NOL4: variants seen among roughly 807,000 people sequenced by gnomAD.
The protein encoded by NOL4 is cancer/testis antigen 125.
Under a neutral mutation model 75.9 loss-of-function variants are expected in NOL4, and 17 were observed. The ratio of observed to expected loss-of-function variants is 0.22; its 90% CI spans 0.15 to 0.34. The LOEUF is 0.34. NOL4 is among the 10% of genes least tolerant of loss of function. The probability of loss-of-function intolerance (pLI) is 1.00; values close to 1 mark genes in which losing one functional copy is unlikely to be tolerated. For synonymous variants in NOL4, 292 were observed against 289.9 expected, an observed-to-expected ratio of 1.01 and a Z score of -0.07; for missense variants, 614 against 793.5, an observed-to-expected ratio of 0.77 and a Z score of 2.72.
chr18:33,903,789 G>A (rs570322240), intron 9 of NOL4, among the ~76,000 whole-genome samples: 22 of 152,080 alleles, frequency 1.4e-4, no homozygotes, highest in Non-Finnish European at 2.4e-4. Flanking sequence ...AATACTTTAT[G>A]TCTTGTTTCT....
At position 34,091,870 on chromosome 18, in the gene NOL4, T is replaced by C. The variant is rs138221250; in HGVS notation, c.772+1595A>G. On this transcript the variant is annotated intron_variant, in intron 5 of 10. Coordinates refer to ENST00000261592, the MANE Select transcript of NOL4 (RefSeq NM_003787.5). The stretch of plus-strand genomic sequence containing the variant: ...TCATCAATATATCATGAGAAAGTGC[T>C]TTTCCCTAAGAGTATATAATATTTG... 1.6e-4 allele frequency among the ~76,000 whole-genome samples: 25 copies of C among 152,254 alleles called. 1 individual carries two copies. The East Asian group carries it at 4.4e-3, about 27-fold the overall frequency.
intron 5 of NOL4, among the ~76,000 whole-genome samples, chr18:34,041,875 G>C (rs776567218): frequency 4.6e-5 from 7 of 151,694 alleles, no homozygotes; most frequent in Non-Finnish European, 1.0e-4. Flanking sequence ...ATTATACAGG[G>C]CTACAGTTTA....
At chr18:33,882,754 C>T (rs1458884297) in intron 10 of NOL4, among the ~76,000 whole-genome samples, 5 of 152,040 alleles carry the variant, frequency 3.3e-5, no homozygotes, top group East Asian at 1.9e-4. Flanking sequence ...GACACATGCA[C>T]ACGTATGTTT....
intron 10 of NOL4, among the ~76,000 whole-genome samples, chr18:33,880,094 A>T (rs1215706558): frequency 6.6e-6 from 1 of 152,088 alleles, no homozygotes; most frequent in Non-Finnish European, 1.5e-5. Flanking sequence ...GAGGTTGAAC[A>T]ACTTTATAAA....
chr18:33,896,828 C>G (rs1194510674), intron 9 of NOL4, among the ~76,000 whole-genome samples: 3 of 152,086 alleles, frequency 2.0e-5, no homozygotes, highest in African/African-American at 7.2e-5. Flanking sequence ...ACAGAGTAAA[C>G]AGACAACCTA....
chr18:33,899,511 G>A (rs1192024702), intron 9 of NOL4, among the ~76,000 whole-genome samples: 2 of 152,274 alleles, frequency 1.3e-5, no homozygotes, highest in Admixed American at 6.5e-5. Flanking sequence ...TGGCCAGCTG[G>A]CCCCAGCTAA....
chr18:34,169,965 A>G (rs2146256182), intron 1 of NOL4, among the ~76,000 whole-genome samples: 1 of 152,280 alleles, frequency 6.6e-6, no homozygotes, highest in South Asian at 2.1e-4. Context: ...GACTTTGTAT[A>G]TGCTGTTCTG....
rs1941343 is a variant in NOL4 at position 34,014,051 on chromosome 18, C to T, written c.1056+5267G>A. 1.7e-3 allele frequency among the ~76,000 whole-genome samples: 251 copies of T among 151,948 alleles called. 1 individual carries two copies. Among genetic ancestry groups the T allele is most frequent in the African/African-American group, 5.6e-3 (233 of 41,482 alleles). ...GATAATATTACAGAAGTCAATCCATCGCTCTTAGTTTGTAAAAGACAATTT... is the reference window on the plus strand; with the variant it reads ...GATAATATTACAGAAGTCAATCCATTGCTCTTAGTTTGTAAAAGACAATTT... On this transcript the variant is annotated intron_variant, in intron 6 of 10. Transcript: ENST00000261592.
intron 10 of NOL4, among the ~76,000 whole-genome samples, chr18:33,858,655 T>C (rs570246124): frequency 6.6e-6 from 1 of 152,236 alleles, no homozygotes; most frequent in Non-Finnish European, 1.5e-5. Context: ...CTCTTTTTGA[T>C]GATAGAATTT....
chr18:33,925,775 T>G (rs1316825178), intron 9 of NOL4, among the ~76,000 whole-genome samples: 2 of 152,074 alleles, frequency 1.3e-5, no homozygotes, highest in Admixed American at 1.3e-4. Context: ...TCCAGTGGCA[T>G]ATGTAAAATG....
chr18:33,886,090 C>A (rs2064629259), intron 9 of NOL4, among the ~76,000 whole-genome samples: 1 of 152,080 alleles, frequency 6.6e-6, no homozygotes, highest in Non-Finnish European at 1.5e-5. Context: ...ATTGCATATT[C>A]TCACTTATTT....
At chr18:33,935,003 T>C (rs994515223) in intron 9 of NOL4, among the ~76,000 whole-genome samples, 1 of 151,754 alleles carries the variant, frequency 6.6e-6, no homozygotes, top group Non-Finnish European at 1.5e-5. Flanking sequence ...GAACTACAGA[T>C]GCACTGCGCC....
At chr18:33,891,456 ACT>A (rs1000758250) in intron 9 of NOL4, among the ~76,000 whole-genome samples, 15 of 152,176 alleles carry the variant, frequency 9.9e-5, no homozygotes, top group Middle Eastern at 3.4e-3. Context: ...AGCTATGGAA[ACT>A]CTGAAAGAAG....
chr18:33,879,054 T>C (rs2064099807), intron 10 of NOL4, among the ~76,000 whole-genome samples: 1 of 152,152 alleles, frequency 6.6e-6, no homozygotes, highest in Non-Finnish European at 1.5e-5. Context: ...TGTGAGGCTA[T>C]GCCAACAACT....
chr18:34,093,111 C>T (rs377452558), intron 5 of NOL4, among the ~76,000 whole-genome samples: 3 of 152,098 alleles, frequency 2.0e-5, no homozygotes, highest in African/African-American at 7.2e-5. Context: ...TATTTAAATG[C>T]TTAATTTAGT....
intron 9 of NOL4, among the ~76,000 whole-genome samples, chr18:33,922,913 G>A (rs2067122781): frequency 6.6e-6 from 1 of 152,004 alleles, no homozygotes; most frequent in South Asian, 2.1e-4. Context: ...TGTATCCAGT[G>A]CAATTTATCA....
intron 5 of NOL4, among the ~76,000 whole-genome samples, chr18:34,041,266 A>C (rs2076127119): frequency 6.6e-6 from 1 of 152,014 alleles, no homozygotes; most frequent in African/African-American, 2.4e-5. Context: ...AAAGGTTAAA[A>C]TTCTCAGCTT....
intron 5 of NOL4, among the ~76,000 whole-genome samples, chr18:34,054,635 T>C (rs1460339803): frequency 6.6e-6 from 1 of 151,936 alleles, no homozygotes; most frequent in Admixed American, 6.6e-5. Context: ...TATAGTTTGA[T>C]CTTGATTTTT....
chr18:34,215,703 G>A (rs1282463893), intron 1 of NOL4, among the ~76,000 whole-genome samples: 1 of 152,162 alleles, frequency 6.6e-6, no homozygotes, highest in Non-Finnish European at 1.5e-5. Flanking sequence ...GGATATCTTG[G>A]TGAAAACACC....
Sources: gnomAD v4.1 joint callset for allele counts (sites outside exome capture counted in the v4.1 genomes callset) on GRCh38, gnomAD v4.1.1 for gene constraint, MANE v1.5 for transcripts, NCBI Gene and HGNC (gene_info 2026-07-23, HGNC 2026-07-21) for gene names.